The following LRRC37A2 variants were observed in gnomAD, a reference collection of about 807,000 sequenced individuals.
LRRC37A2 encodes leucine-rich repeat-containing protein 37A2.
LRRC37A2 carries 9 observed loss-of-function variants against 68.8 expected under a neutral mutation model. The ratio of observed to expected loss-of-function variants is 0.13; its 90% CI spans 0.08 to 0.23. The LOEUF (loss-of-function observed/expected upper bound fraction) is 0.23. LRRC37A2 is among the 10% of genes least tolerant of loss of function. LRRC37A2 has a pLI of 1.00. For missense variants in LRRC37A2, 168 were observed against 950.4 expected (o/e 0.18, Z 10.82); for synonymous variants, 63 against 367.6 (o/e 0.17, Z 9.48).
the LRRC37A2 span, chr17:46,935,928 C>T: frequency 7.1e-6 from 7 of 985,736 alleles, no homozygotes; most frequent in Non-Finnish European, 8.4e-6. Context: ...ATGAAGCACT[C>T]CCAGCCACTG....
chr17:46,990,078 C>T, the LRRC37A2 span, among the ~76,000 whole-genome samples: 106,496 of 152,150 alleles, frequency 0.7, 37,884 homozygotes, highest in Middle Eastern at 0.78. Context: ...AATTTCTACA[C>T]GGAGGTGGTG....
At chr17:47,003,493 T>C in the LRRC37A2 span, among the ~76,000 whole-genome samples, 5 of 152,228 alleles carry the variant, frequency 3.3e-5, no homozygotes, top group Admixed American at 6.5e-5. Context: ...GGCCACTCCA[T>C]GCAGGAGGGT....
the LRRC37A2 span, among the ~76,000 whole-genome samples, chr17:46,901,754 C>T: frequency 6.6e-6 from 1 of 152,124 alleles, no homozygotes; most frequent in South Asian, 2.1e-4. Context: ...TTTGGTTTCC[C>T]CCACAATGTC....
At chr17:46,911,690 C>T in the LRRC37A2 span, among the ~76,000 whole-genome samples, 2 of 152,078 alleles carry the variant, frequency 1.3e-5, no homozygotes, top group Admixed American at 6.5e-5. Context: ...CAAGACCAGT[C>T]TGGCCAACAT....
the LRRC37A2 span, among the ~76,000 whole-genome samples, chr17:47,010,127 G>A: frequency 5.3e-5 from 8 of 152,206 alleles, no homozygotes; most frequent in Admixed American, 5.2e-4. Context: ...GGAAGGGTGA[G>A]TCTGGGTCCC....
At chr17:46,939,597 C>T in the LRRC37A2 span, 4 of 985,352 alleles carry the variant, frequency 4.1e-6, no homozygotes, top group African/African-American at 1.7e-5. Context: ...TTTCCAATTA[C>T]AGTCTCAGCT....
chr17:46,533,730 G>C (rs1165039783), intron 6 of LRRC37A2, among the ~76,000 whole-genome samples: 1 of 87,202 alleles, frequency 1.1e-5, no homozygotes, highest in Non-Finnish European at 2.0e-5. Context: ...TCAACCTCTT[G>C]ACCTCAAGTG....
At chr17:46,934,796 CT>C in the LRRC37A2 span, among the ~76,000 whole-genome samples, 725 of 152,298 alleles carry the variant, frequency 4.8e-3, 1 homozygote, top group Non-Finnish European at 7.5e-3. Flanking sequence ...ATGAACGATA[CT>C]TGTGGAGTGG....
At chr17:46,934,459 T>C in the LRRC37A2 span, among the ~76,000 whole-genome samples, 1 of 152,020 alleles carries the variant, frequency 6.6e-6, no homozygotes, top group Non-Finnish European at 1.5e-5. Context: ...GAGGCTAAGG[T>C]TGCAGTGAGC....
chr17:46,961,267 G>C, the LRRC37A2 span, among the ~76,000 whole-genome samples: 6 of 152,256 alleles, frequency 3.9e-5, no homozygotes, highest in South Asian at 1.2e-3. Flanking sequence ...AGTAAGAGAA[G>C]AAACAAATAT....
the LRRC37A2 span, among the ~76,000 whole-genome samples, chr17:46,642,028 GA>G: frequency 2.7e-5 from 3 of 109,194 alleles, 1 homozygote; most frequent in African/African-American, 1.1e-4. Flanking sequence ...TAATCCATGG[GA>G]AAAAAATTGT....
chr17:47,037,679 C>T, the LRRC37A2 span, among the ~76,000 whole-genome samples: 3 of 152,284 alleles, frequency 2.0e-5, no homozygotes, highest in South Asian at 2.1e-4. Flanking sequence ...TTTTGAAAGA[C>T]TTTATGAAGG....
At chr17:46,763,257 T>A in the LRRC37A2 span, 1 of 152,248 alleles carries the variant, frequency 6.6e-6, no homozygotes, top group South Asian at 2.1e-4. Flanking sequence ...GTTGAACCAA[T>A]TCATACTGTG....
At chr17:46,400,281 GGACCTGGCTTCCACATCTATA>G in the LRRC37A2 span, among the ~76,000 whole-genome samples, 3 of 150,832 alleles carry the variant, frequency 2.0e-5, no homozygotes, top group Admixed American at 1.3e-4. Flanking sequence ...CCAACGCGTG[GGACCTGGCTTCCACATCTATA>G]GACCTGACCT....
chr17:46,981,233 C>G, the LRRC37A2 span, among the ~76,000 whole-genome samples: 41,860 of 152,100 alleles, frequency 0.28, 6,241 homozygotes, highest in East Asian at 0.42. Flanking sequence ...CATCACAGAG[C>G]CTCTGCTCCC....
the LRRC37A2 span, among the ~76,000 whole-genome samples, chr17:46,906,079 C>G: frequency 6.6e-6 from 1 of 152,130 alleles, no homozygotes; most frequent in Admixed American, 6.6e-5. Context: ...GAATGTGTTC[C>G]CTGCCTGTCG....
the LRRC37A2 span, chr17:46,762,883 T>C: frequency 6.6e-6 from 1 of 152,220 alleles, no homozygotes; most frequent in Non-Finnish European, 1.5e-5. Context: ...TACATAGATA[T>C]GAAAAGATTG....
chr17:46,981,542 A>C, the LRRC37A2 span, among the ~76,000 whole-genome samples: 1 of 152,172 alleles, frequency 6.6e-6, no homozygotes, highest in Non-Finnish European at 1.5e-5. Context: ...CCCAGCTCCT[A>C]GACTGTGAGA....
chr17:47,026,428 C>A, the LRRC37A2 span, among the ~76,000 whole-genome samples: 1 of 152,206 alleles, frequency 6.6e-6, no homozygotes, highest in Non-Finnish European at 1.5e-5. Flanking sequence ...TGAGAGGGCA[C>A]GTTAGAACTC....
Sources: gnomAD v4.1 joint callset for allele counts (sites outside exome capture counted in the v4.1 genomes callset) on GRCh38, gnomAD v4.1.1 for gene constraint, MANE v1.5 for transcripts, NCBI Gene and HGNC (gene_info 2026-07-23, HGNC 2026-07-21) for gene names.